IFT140: variants seen among roughly 807,000 people sequenced by gnomAD.
IFT140 encodes intraflagellar transport 140.
In IFT140, 133 loss-of-function variants were observed where a neutral mutation model predicts 164.6. That is an observed-to-expected ratio of 0.81 (90% confidence interval 0.70 to 0.93). The LOEUF (loss-of-function observed/expected upper bound fraction) is 0.93. Ranked by LOEUF, IFT140 falls within the 40% of genes least tolerant of loss-of-function variation. The probability of loss-of-function intolerance (pLI) is 0.00; values close to 1 mark genes in which losing one functional copy is unlikely to be tolerated. For synonymous variants in IFT140, 860 were observed against 817.3 expected (o/e 1.05, Z -0.89); for missense variants, 2,045 against 1,972.3 (o/e 1.04, Z -0.70).
intron 14 of IFT140, among the ~76,000 whole-genome samples, chr16:1,569,160 G>A (rs966346654): frequency 1.1e-4 from 16 of 151,968 alleles, no homozygotes; most frequent in East Asian, 5.9e-4. Flanking sequence ...GCCCGCCACC[G>A]CGCCCGGCTA....
At position 1,525,910 on chromosome 16, in the gene IFT140, G is replaced by A. The variant is rs770674501; in HGVS notation, c.2745C>T (p.Ala915=). The stretch of plus-strand genomic sequence containing the variant: ...ACTAACTGAGGGCCCGGCTGCAGTC[G>A]GCGCTGGCCTCCAGGTGCCCGGCAT... ...HRYAGHLEAS[A]DCSRALSYYE... is the part of the protein sequence containing the mutation. Residue 915 remains alanine, a synonymous_variant, in exon 21 of 31, where the codon GCC becomes GCT. Coordinates refer to ENST00000426508, the MANE Select transcript of IFT140 (RefSeq NM_014714.4). 2.4e-5 allele frequency: 38 copies of A among 1,555,510 alleles called. No individual in the cohort carries two copies. The highest frequency in any genetic ancestry group is 3.8e-5 in the Admixed American group (2 of 52,622).
chr16:1,597,545 G>C lies in IFT140; in HGVS notation c.369+4825C>G, dbSNP rs188420534. ...CAACAGGGTCTCTGGTGGAAGAGCA[G>C]GGAAGCGCCTTGCACCAAGTCTGGG... On this transcript the variant is annotated intron_variant, in intron 4 of 30. Transcript: ENST00000426508. 3.2e-4 allele frequency among the ~76,000 whole-genome samples: 49 copies of C among 152,346 alleles called. 1 individual carries two copies. Among genetic ancestry groups the C allele is most frequent in the South Asian group, 2.7e-3 (13 of 4,828 alleles).
chr16:1,590,300 C>G (rs11859318), intron 6 of IFT140, among the ~76,000 whole-genome samples: 12,626 of 152,082 alleles, frequency 0.083, 644 homozygotes, highest in African/African-American at 0.13. Flanking sequence ...CAAGCTGTCT[C>G]TATGGATTCC....
chr16:1,611,166 C>T (rs1479614874), intron 1 of IFT140, among the ~76,000 whole-genome samples: 1 of 152,206 alleles, frequency 6.6e-6, no homozygotes, highest in Non-Finnish European at 1.5e-5. Flanking sequence ...GTTCCATCGC[C>T]GGGCCCCGGA....
chr16:1,556,710 C>T (rs1432796951), intron 19 of IFT140, among the ~76,000 whole-genome samples: 3 of 152,228 alleles, frequency 2.0e-5, no homozygotes, highest in Non-Finnish European at 4.4e-5. Context: ...GGATAGTTGA[C>T]TTTCATCTTC....
chr16:1,591,885 GC>G (rs1371634477), intron 6 of IFT140, among the ~76,000 whole-genome samples: 1 of 152,214 alleles, frequency 6.6e-6, no homozygotes, highest in Non-Finnish European at 1.5e-5. Context: ...TGTCTCTGGT[GC>G]CATGCAGTCA....
chr16:1,605,323 G>A (rs2036002417), intron 3 of IFT140, among the ~76,000 whole-genome samples: 1 of 152,226 alleles, frequency 6.6e-6, no homozygotes, highest in African/African-American at 2.4e-5. Flanking sequence ...ACTGATGACT[G>A]TCGCTGCTTG....
chr16:1,593,457 G>A (rs2035294570), intron 4 of IFT140, among the ~76,000 whole-genome samples: 1 of 151,958 alleles, frequency 6.6e-6, no homozygotes, highest in Non-Finnish European at 1.5e-5. Flanking sequence ...GACGACAGGT[G>A]CATGCCACCA....
At chr16:1,552,253 C>T (rs943055122) in intron 19 of IFT140, among the ~76,000 whole-genome samples, 4 of 152,160 alleles carry the variant, frequency 2.6e-5, no homozygotes, top group African/African-American at 7.2e-5. Context: ...AACCTCCTCC[C>T]GCCCTCGAGG....
At position 1,525,148 on chromosome 16, in the gene IFT140, G is replaced by C. The variant is rs550213240; in HGVS notation, c.2864+83C>G. 196 of 1,276,224 alleles carry C rather than the reference G, an allele frequency of 1.5e-4. 5 individuals are homozygous for C. In the South Asian group the frequency reaches 2.3e-3, roughly 15 times the overall value. The allele number at this position is 1,276,224 out of a possible 1,614,324, so 79.1% of individuals were successfully genotyped here. Reference sequence around the variant, plus strand: ...CCACTCGTGCAGGAAGCACGGGAAAGGGAGCCGTCTCAGCAAGCCCTGGGG... The same window carrying C: ...CCACTCGTGCAGGAAGCACGGGAAACGGAGCCGTCTCAGCAAGCCCTGGGG... On this transcript the variant is annotated intron_variant, in intron 22 of 30. Coordinates refer to ENST00000426508, the MANE Select transcript of IFT140 (RefSeq NM_014714.4).
chr16:1,547,521 G>A (rs894961001), intron 19 of IFT140, among the ~76,000 whole-genome samples: 17 of 152,152 alleles, frequency 1.1e-4, no homozygotes, highest in East Asian at 3.9e-4. Flanking sequence ...ACAATAACCC[G>A]GTTCTTTGCT....
chr16:1,589,846 A>G (rs2035083617), intron 6 of IFT140, 66 bp from the exon 7 acceptor site: 3 of 1,396,850 alleles, frequency 2.1e-6, no homozygotes, highest in African/African-American at 1.4e-5. Context: ...GACCCTCACC[A>G]GCAGCCATTT....
chr16:1,545,753 T>C (rs1398371540), intron 19 of IFT140, among the ~76,000 whole-genome samples: 6 of 152,194 alleles, frequency 3.9e-5, no homozygotes, highest in Non-Finnish European at 7.4e-5. Flanking sequence ...TGCAGCACAC[T>C]GAAAGGAAGG....
intron 19 of IFT140, among the ~76,000 whole-genome samples, chr16:1,557,297 T>C (rs1423257311): frequency 6.6e-6 from 1 of 152,150 alleles, no homozygotes; most frequent in African/African-American, 2.4e-5. Flanking sequence ...GAATGAAGGA[T>C]TGGCCATGCT....
chr16:1,605,243 C>G (rs962663496), intron 3 of IFT140, among the ~76,000 whole-genome samples: 2 of 152,012 alleles, frequency 1.3e-5, no homozygotes, highest in African/African-American at 2.4e-5. Flanking sequence ...GGCATGTTTC[C>G]CAGAGGACTT....
At chr16:1,534,033 G>C in intron 19 of IFT140, 1 of 531,434 alleles carries the variant, frequency 1.9e-6, no homozygotes, top group Non-Finnish European at 3.2e-6. Context: ...TCTGCTCCCT[G>C]GGATGGGCCC....
chr16:1,528,399 A>G (rs1234755938), intron 19 of IFT140, among the ~76,000 whole-genome samples: 2 of 149,080 alleles, frequency 1.3e-5, no homozygotes, highest in African/African-American at 2.5e-5. Flanking sequence ...ACACACACGG[A>G]TGCACACACA....
rs565318851 is a variant in IFT140, at chr16:1,529,943, C to T, written c.2400-3147G>A. On this transcript the variant is annotated intron_variant, in intron 19 of 30. Coordinates refer to ENST00000426508, the MANE Select transcript of IFT140 (RefSeq NM_014714.4). ...ACACTGTGTCCTCACTGCACAGCTT[C>T]CAGTCAGTTCTACAGATCGGATGGA... Among the ~76,000 whole-genome samples the T allele has an allele frequency of 7.2e-5, 11 of 152,140 alleles. No individual in the cohort carries two copies. In the East Asian group the frequency reaches 1.6e-3, roughly 21 times the overall value.
At chr16:1,550,595 A>G (rs529914957) in intron 19 of IFT140, among the ~76,000 whole-genome samples, 77 of 152,222 alleles carry the variant, frequency 5.1e-4, no homozygotes, top group African/African-American at 1.8e-3. Flanking sequence ...CCACACTGCT[A>G]GGGCACCCGG....
Sources: gnomAD v4.1 joint callset for allele counts (sites outside exome capture counted in the v4.1 genomes callset) on GRCh38, gnomAD v4.1.1 for gene constraint, MANE v1.5 for transcripts, NCBI Gene and HGNC (gene_info 2026-07-23, HGNC 2026-07-21) for gene names.